MED1: variants seen among roughly 807,000 people sequenced by gnomAD.
The protein encoded by MED1 is mediator complex subunit 1.
In MED1, 17 loss-of-function variants were observed where a neutral mutation model predicts 121.3. That is an observed-to-expected ratio of 0.14 (90% CI 0.10 to 0.21). The LOEUF is 0.21. MED1 is among the 10% of genes least tolerant of loss of function. The probability of loss-of-function intolerance (pLI) is 1.00; values close to 1 mark genes in which losing one functional copy is unlikely to be tolerated. For missense variants in MED1, 1,558 were observed against 1,919.4 expected, an observed-to-expected ratio of 0.81 and a Z score of 3.52; for synonymous variants, 661 against 694.4, an observed-to-expected ratio of 0.95 and a Z score of 0.76.
intron 16 of MED1, among the ~76,000 whole-genome samples, chr17:39,411,829 T>C (rs924811890): frequency 4.0e-5 from 6 of 151,638 alleles, no homozygotes; most frequent in Non-Finnish European, 7.4e-5. Flanking sequence ...TGAAACCCCA[T>C]CTCTACTAAA....
At position 39,415,846 on chromosome 17, in the gene MED1, C is replaced by T. The variant is rs978792252; in HGVS notation, c.1298-507G>A. Among the ~76,000 whole-genome samples, 53 of 146,334 alleles carry T rather than the reference C, an allele frequency of 3.6e-4. 1 individual carries two copies. Among genetic ancestry groups the T allele is most frequent in the Non-Finnish European group, 1.5e-4 (10 of 66,856 alleles). ...AAAAAAAAAAAAAAAAAAAATTAGC[C>T]GGGTGTGGTGGCGCACACCTGTAAT... On this transcript the variant is annotated intron_variant, in intron 14 of 16. Coordinates refer to ENST00000300651, the MANE Select transcript of MED1 (RefSeq NM_004774.4).
At chr17:39,447,195 A>G (rs2048735863) in intron 2 of MED1, among the ~76,000 whole-genome samples, 1 of 152,078 alleles carries the variant, frequency 6.6e-6, no homozygotes, top group Admixed American at 6.6e-5. Flanking sequence ...GGTCAAGACC[A>G]GCCTGACCAA....
rs776329360 is a variant in MED1, at chr17:39,408,937, T to C, written c.3284A>G (p.Lys1095Arg). The change falls in exon 17 of 17, where the codon AAA becomes AGA. Residue 1095 changes from lysine to arginine, a missense_variant. By Grantham distance (26) the Lys-to-Arg change is conservative. This residue lies in a region of MED1 where 793 missense variants were observed against 898.2 expected (regional missense o/e 0.88). Coordinates refer to ENST00000300651, the MANE Select transcript of MED1 (RefSeq NM_004774.4). This position sits in a 1 kb window ranked among gnomAD's most constrained non-coding sequence, Gnocchi z 4.7. Reference sequence around the variant, plus strand: ...GGAGGAAGAATGGCTATGGTGGCTTTTGCTGCCTGAGGAAGACACAGAACC... The same window carrying C: ...GGAGGAAGAATGGCTATGGTGGCTTCTGCTGCCTGAGGAAGACACAGAACC... The part of the protein sequence containing the change: ...SSGSVSSSGS[K>R]SHHSHSSSSS... The C allele has an allele frequency of 6.2e-7, 1 of 1,614,184 alleles. No homozygotes were observed. The highest frequency in any genetic ancestry group is 8.5e-7 in the Non-Finnish European group (1 of 1,180,044).
chr17:39,406,998 C>G lies in MED1; in HGVS notation c.*477G>C, dbSNP rs1011529454. The G allele has an allele frequency of 1.0e-5, 10 of 986,638 alleles. No homozygotes were observed. In the South Asian group the frequency reaches 4.7e-4, roughly 46 times the overall value. The allele number at this position is 986,638 out of a possible 1,614,324, so 61.1% of individuals were successfully genotyped here. A position where few individuals can be genotyped will look rare whatever the true frequency, so the allele number is the denominator to read the frequency against. ...GTCCTTCATTTGCCCATGACTCAAACGGACAACTACCTCAAACAAAGTTGA... is the reference window on the plus strand; with the variant it reads ...GTCCTTCATTTGCCCATGACTCAAAGGGACAACTACCTCAAACAAAGTTGA... On this transcript the variant is annotated 3_prime_UTR_variant, in exon 17 of 17. Coordinates refer to ENST00000300651, the MANE Select transcript of MED1 (RefSeq NM_004774.4).
At position 39,419,883 on chromosome 17, in the gene MED1, G is replaced by A; in HGVS notation, c.1131C>T (p.Asn377=). ...LPGQQHCYFL[N]KDAPLPDGRS... ...GGCCATCTGGAAGAGGAGCATCCTT[G>A]TTGAGGAAATAGCAGTGCTGCTGAC... Residue 377 remains asparagine (N), a synonymous_variant, in exon 14 of 17, where the codon AAC becomes AAT. Coordinates refer to ENST00000300651, the MANE Select transcript of MED1 (RefSeq NM_004774.4). The A allele has an allele frequency of 6.2e-7, 1 of 1,614,084 alleles. No homozygotes were observed. Among genetic ancestry groups the A allele is most frequent in the Non-Finnish European group, 8.5e-7 (1 of 1,179,974 alleles).
At chr17:39,439,371 T>G (rs549134513) in intron 5 of MED1, among the ~76,000 whole-genome samples, 178 bp from the exon 6 acceptor site, 2 of 152,306 alleles carry the variant, frequency 1.3e-5, no homozygotes, top group East Asian at 3.9e-4. Flanking sequence ...ACCACAGGAT[T>G]AGGGTGAGAA....
At position 39,422,459 on chromosome 17, in the gene MED1, G is replaced by A. The variant is rs888867761; in HGVS notation, c.1095+868C>T. Among the ~76,000 whole-genome samples, 122 of 136,958 alleles carry A rather than the reference G, an allele frequency of 8.9e-4. 2 individuals are homozygous for A. Among genetic ancestry groups the A allele is most frequent in the African/African-American group, 3.3e-3 (120 of 35,882 alleles). The allele number at this position is 136,958 out of a possible 152,430, so 89.8% of individuals were successfully genotyped here. ...TGGGATTAGACATGTGAAACACCAC[G>A]CCCAGCCTCGTTTTTTTTTTTTTTT... On this transcript the variant is annotated intron_variant, in intron 13 of 16. Transcript: ENST00000300651.
At position 39,407,229 on chromosome 17, in the gene MED1, G is replaced by T; in HGVS notation, c.*246C>A. On this transcript the variant is annotated 3_prime_UTR_variant, in exon 17 of 17. Transcript: ENST00000300651. ...CCACCCCCCTCCCTTTCTTAAGCAA[G>T]TATTTTAACTTTCTTTCTGGCACAG... The T allele has an allele frequency of 9.9e-7, 1 of 1,013,694 alleles. No individual in the cohort carries two copies. The highest frequency in any genetic ancestry group is 1.2e-6 in the Non-Finnish European group (1 of 864,144). The allele number at this position is 1,013,694 out of a possible 1,614,324, so 62.8% of individuals were successfully genotyped here.
At chr17:39,425,805 A>G (rs1030224131) in intron 10 of MED1, among the ~76,000 whole-genome samples, 96 of 109,762 alleles carry the variant, frequency 8.7e-4, no homozygotes, top group African/African-American at 3.3e-3. Flanking sequence ...CTGTCTGGGG[A>G]AAAAAAAAAA....
At position 39,451,086 on chromosome 17, in the gene MED1, T is replaced by A. The variant is rs201668723; in HGVS notation, c.-24A>T. On this transcript the variant is annotated 5_prime_UTR_variant, in exon 1 of 17. Transcript: ENST00000300651. ...ATCCTGAAGGCGAGGAGAAGCTAGA[T>A]CCGCCACAAAAGGATAAGCCCTTCC... The A allele has an allele frequency of 1.2e-4, 189 of 1,609,674 alleles. No individual in the cohort carries two copies. The highest frequency in any genetic ancestry group is 1.7e-4 in the Admixed American group (10 of 59,316).
chr17:39,415,076 C>G lies in MED1; in HGVS notation c.1449G>C (p.Leu483=). The G allele has an allele frequency of 6.2e-7, 1 of 1,614,190 alleles. No individual in the cohort carries two copies. Among genetic ancestry groups the G allele is most frequent in the Non-Finnish European group, 8.5e-7 (1 of 1,180,022 alleles). Residue 483 remains leucine (L), a synonymous_variant, in exon 16 of 17, where the codon CTG becomes CTC. Coordinates refer to ENST00000300651, the MANE Select transcript of MED1 (RefSeq NM_004774.4). ...THVSCKLYKG[L]SDALICTDDF... The stretch of plus-strand genomic sequence containing the variant: ...CATCTGTGCAGATCAGTGCATCCGA[C>G]AGCCCTTTGTAGAGTTTACAGCTCA...
intron 9 of MED1, among the ~76,000 whole-genome samples, chr17:39,428,088 GC>G (rs2048531703): frequency 6.6e-6 from 1 of 152,056 alleles, no homozygotes; most frequent in African/African-American, 2.4e-5. Flanking sequence ...GATGGCTAAT[GC>G]CTGTAATCCT....
chr17:39,437,476 C>A (rs1350833837), intron 6 of MED1, among the ~76,000 whole-genome samples: 2 of 152,140 alleles, frequency 1.3e-5, no homozygotes, highest in East Asian at 3.9e-4. Flanking sequence ...CTACTAGCAA[C>A]TAATGAAGAG....
chr17:39,408,443 G>A lies in MED1; in HGVS notation c.3778C>T (p.Pro1260Ser). ...GSSGSLSQKT[P>S]PSSNSCTASS... ...GCCGTACAGGAATTAGATGATGGGGGAGTTTTCTGGGACAACGAGCCTGAG... is the reference window on the plus strand; with the variant it reads ...GCCGTACAGGAATTAGATGATGGGGAAGTTTTCTGGGACAACGAGCCTGAG... The change falls in exon 17 of 17, where the codon CCC becomes TCC. Residue 1260 changes from proline (P) to serine (S), a missense_variant. Pro to Ser is a moderately conservative substitution (Grantham distance 74). Transcript: ENST00000300651. This position sits in a 1 kb window ranked among gnomAD's most constrained non-coding sequence, Gnocchi z 4.7. 1.2e-6 allele frequency: 2 copies of A among 1,614,166 alleles called. No homozygotes were observed. The highest frequency in any genetic ancestry group is 1.7e-5 in the Admixed American group (1 of 60,016).
intron 9 of MED1, among the ~76,000 whole-genome samples, chr17:39,429,472 G>GC (rs1442383183): frequency 1.1e-4 from 16 of 151,994 alleles, no homozygotes; most frequent in African/African-American, 3.9e-4. Context: ...GAGACAGGCA[G>GC]CTCACCTAGG....
At chr17:39,427,601 T>C (rs2048526551) in intron 10 of MED1, 100 bp downstream of exon 10, 2 of 785,104 alleles carry the variant, frequency 2.5e-6, no homozygotes, top group African/African-American at 1.7e-5. Flanking sequence ...AAGGTGCAAA[T>C]GGTAAGGTCA....
rs2048308796 is a variant in MED1 at position 39,407,020 on chromosome 17, T to C, written c.*455A>G. The C allele has an allele frequency of 1.0e-6, 1 of 986,998 alleles. No homozygotes were observed. Among genetic ancestry groups the C allele is most frequent in the South Asian group, 4.7e-5 (1 of 21,312 alleles). The allele number at this position is 986,998 out of a possible 1,614,324, so 61.1% of individuals were successfully genotyped here. On this transcript the variant is annotated 3_prime_UTR_variant, in exon 17 of 17. Transcript: ENST00000300651. ...AAACGGACAACTACCTCAAACAAAGTTGAACAACCTTCATGCAAATGCATC... is the reference window on the plus strand; with the variant it reads ...AAACGGACAACTACCTCAAACAAAGCTGAACAACCTTCATGCAAATGCATC...
chr17:39,429,619 C>G (rs1481305008), intron 9 of MED1, among the ~76,000 whole-genome samples: 5 of 149,096 alleles, frequency 3.4e-5, no homozygotes, highest in African/African-American at 1.2e-4. Context: ...TTGCTGGAAC[C>G]CAGGATGCAG....
intron 16 of MED1, among the ~76,000 whole-genome samples, chr17:39,414,633 CCTTTTTTTTTTTT>C: frequency 8.8e-6 from 1 of 113,450 alleles, no homozygotes; most frequent in East Asian, 2.6e-4. Context: ...CCAGGCCCGG[CCTTTTTTTTTTTT>C]TTTTTTTTTT....
Sources: gnomAD v4.1 joint callset for allele counts (sites outside exome capture counted in the v4.1 genomes callset) on GRCh38, gnomAD v4.1.1 for gene constraint, gnomAD v4.1.1 regional missense constraint, Gnocchi (gnomAD v3.1) non-coding constraint, MANE v1.5 for transcripts, NCBI Gene and HGNC (gene_info 2026-07-23, HGNC 2026-07-21) for gene names.